The following ADGRV1 variants were observed in gnomAD, a reference collection of about 807,000 sequenced individuals.
The protein encoded by ADGRV1 is G-protein coupled receptor 98.
Under a neutral mutation model 596.2 loss-of-function variants are expected in ADGRV1, and 359 were observed. The ratio of observed to expected loss-of-function variants is 0.60; its 90% CI spans 0.55 to 0.66. The LOEUF is 0.66. Ranked by LOEUF, ADGRV1 falls within the 30% of genes least tolerant of loss-of-function variation. The pLI is 0.00. For synonymous variants in ADGRV1, 2,681 were observed against 2,679.2 expected (o/e 1.00, Z -0.02); for missense variants, 7,274 against 7,575.6 (o/e 0.96, Z 1.48).
chr5:90,639,482 A>G (rs1766697825), intron 11 of ADGRV1, among the ~76,000 whole-genome samples: 1 of 152,170 alleles, frequency 6.6e-6, no homozygotes, highest in Admixed American at 6.6e-5. Flanking sequence ...TTATGTAAAC[A>G]TTTGAAATTA....
At chr5:90,975,609 A>T (rs1392020230) in intron 84 of ADGRV1, among the ~76,000 whole-genome samples, 11 of 152,152 alleles carry the variant, frequency 7.2e-5, no homozygotes, top group Admixed American at 7.2e-4. Flanking sequence ...AAGGATGAAA[A>T]ACCAAACACC....
intron 16 of ADGRV1, 103 bp from the exon 17 acceptor site, chr5:90,647,395 T>C: frequency 8.3e-7 from 1 of 1,210,264 alleles, no homozygotes; most frequent in Non-Finnish European, 1.2e-6. Context: ...AAAGACACAG[T>C]ACAAGGCTTC....
intron 83 of ADGRV1, among the ~76,000 whole-genome samples, chr5:90,903,596 G>C (rs1328380238): frequency 6.6e-6 from 1 of 151,810 alleles, no homozygotes; most frequent in Admixed American, 6.6e-5. Context: ...AAGCAGATCA[G>C]GGTTTGTTTT....
intron 87 of ADGRV1, among the ~76,000 whole-genome samples, chr5:91,103,829 T>A (rs1239041407): frequency 1.3e-5 from 2 of 152,040 alleles, no homozygotes; most frequent in African/African-American, 4.8e-5. Flanking sequence ...TGGTTAGAGA[T>A]GGGAATTTCA....
At chr5:91,050,981 G>A (rs188155961) in intron 85 of ADGRV1, among the ~76,000 whole-genome samples, 48 of 152,344 alleles carry the variant, frequency 3.2e-4, no homozygotes, top group African/African-American at 9.6e-4. Flanking sequence ...CTGGAGCCTC[G>A]AACATTTTCT....
At chr5:90,579,119 G>A (rs556376548) in intron 1 of ADGRV1, among the ~76,000 whole-genome samples, 105 of 152,218 alleles carry the variant, frequency 6.9e-4, no homozygotes, top group African/African-American at 2.5e-3. Flanking sequence ...GTTCTGCTCT[G>A]ATCTTAGTTA....
chr5:90,753,861 A>C, intron 54 of ADGRV1, 32 bp downstream of exon 54: 1 of 1,525,124 alleles, frequency 6.6e-7, no homozygotes, highest in Non-Finnish European at 8.9e-7. Flanking sequence ...TCAAGTTTTA[A>C]TGAGAAGCTT....
At chr5:90,657,575 T>C (rs1397046742) in intron 20 of ADGRV1, among the ~76,000 whole-genome samples, 1 of 152,086 alleles carries the variant, frequency 6.6e-6, no homozygotes, top group African/African-American at 2.4e-5. Flanking sequence ...CATGCATACG[T>C]GTGTATGTAT....
chr5:90,863,399 A>G (rs1454345815), intron 82 of ADGRV1, among the ~76,000 whole-genome samples: 1 of 152,212 alleles, frequency 6.6e-6, no homozygotes, highest in African/African-American at 2.4e-5. Context: ...TTGGGCATCC[A>G]GTATTGCAAA....
chr5:90,811,395 T>A lies in ADGRV1; in HGVS notation c.16078+57T>A. On this transcript the variant is annotated intron_variant, in intron 74 of 89. Transcript: ENST00000405460. ...TACTTTTATGGTACATAATTTGTAT[T>A]AAGGTGAATCTAGCTTAAATTTAAT... 2.1e-6 allele frequency: 3 copies of A among 1,427,154 alleles called. No individual in the cohort carries two copies. In the South Asian group the frequency reaches 4.4e-5, roughly 21 times the overall value. 88.4% of individuals were successfully genotyped at this position (1,427,154 alleles called of 1,614,324 possible).
intron 83 of ADGRV1, among the ~76,000 whole-genome samples, chr5:90,953,287 A>G (rs924546811): frequency 2.6e-5 from 4 of 152,170 alleles, no homozygotes; most frequent in Non-Finnish European, 5.9e-5. Flanking sequence ...ACACAGGGAC[A>G]ATAACATTAT....
At chr5:90,572,250 G>A (rs1229915825) in intron 1 of ADGRV1, among the ~76,000 whole-genome samples, 1 of 152,026 alleles carries the variant, frequency 6.6e-6, no homozygotes. Context: ...TCTTGTTTTG[G>A]GTAGCAGCAA....
intron 1 of ADGRV1, among the ~76,000 whole-genome samples, chr5:90,596,725 G>A (rs1205177658): frequency 6.6e-6 from 1 of 152,224 alleles, no homozygotes; most frequent in Non-Finnish European, 1.5e-5. Flanking sequence ...GTTGCAGTGA[G>A]CCGAGATGGC....
Position 90,783,239 on chromosome 5 carries a change from T to C in ADGRV1, c.13347T>C (p.Asp4449=). ...QSSSASPGGV[D]YILHGSTVTF... ...CCTCTGCCAGTCCCGGAGGTGTTGA[T>C]TACATTTTGCATGGCAGTACAGTCA... The change falls in exon 66 of 90, where the codon GAT becomes GAC. Residue 4449 remains aspartate, a synonymous_variant. Transcript: ENST00000405460. 1.2e-6 allele frequency: 2 copies of C among 1,613,658 alleles called. No individual in the cohort carries two copies. Among genetic ancestry groups the C allele is most frequent in the Non-Finnish European group, 1.7e-6 (2 of 1,179,628 alleles).
At chr5:91,147,391 C>G (rs1795638984) in intron 87 of ADGRV1, among the ~76,000 whole-genome samples, 1 of 152,082 alleles carries the variant, frequency 6.6e-6, no homozygotes. Context: ...TCTATGTCCC[C>G]ACCCAAATCT....
chr5:90,741,790 C>T (rs1753995770), intron 50 of ADGRV1, among the ~76,000 whole-genome samples: 1 of 152,126 alleles, frequency 6.6e-6, no homozygotes, highest in African/African-American at 2.4e-5. Flanking sequence ...TTTAGAATGG[C>T]TTATTATAGA....
At chr5:90,861,855 A>G (rs1416637062) in intron 82 of ADGRV1, among the ~76,000 whole-genome samples, 1 of 152,198 alleles carries the variant, frequency 6.6e-6, no homozygotes, top group Non-Finnish European at 1.5e-5. Context: ...TAGGTATTCA[A>G]TATCCTCACC....
intron 13 of ADGRV1, 25 bp from the exon 14 acceptor site, chr5:90,643,778 C>G: frequency 6.6e-7 from 1 of 1,518,392 alleles, no homozygotes; most frequent in South Asian, 1.3e-5. Flanking sequence ...TTTATAATTT[C>G]CATACTTTGA....
At chr5:90,935,972 T>C (rs1028450844) in intron 83 of ADGRV1, among the ~76,000 whole-genome samples, 3 of 152,028 alleles carry the variant, frequency 2.0e-5, no homozygotes, top group African/African-American at 7.3e-5. Context: ...CTGAGCAACA[T>C]AGCGACCACC....
Sources: gnomAD v4.1 joint callset for allele counts (sites outside exome capture counted in the v4.1 genomes callset) on GRCh38, gnomAD v4.1.1 for gene constraint, MANE v1.5 for transcripts, NCBI Gene and HGNC (gene_info 2026-07-23, HGNC 2026-07-21) for gene names.